Variants in MTMR8 observed in about 807,000 individuals in gnomAD.
The protein encoded by MTMR8 is phosphatidylinositol-3,5-bisphosphate 3-phosphatase MTMR8.
Under a neutral mutation model 39.3 loss-of-function variants are expected in MTMR8, and 65 were observed. The ratio of observed to expected loss-of-function variants is 1.65; its 90% confidence interval spans 1.35 to 2.03. The LOEUF (loss-of-function observed/expected upper bound fraction) is 2.03. Ranked by LOEUF, MTMR8 falls within the 30% of genes most tolerant of loss-of-function variation. MTMR8 has a pLI of 0.00. For missense variants in MTMR8, 777 were observed against 538.9 expected (o/e 1.44, Z -4.37); for synonymous variants, 245 against 185.2 (o/e 1.32, Z -2.62).
intron 8 of MTMR8, among the ~76,000 whole-genome samples, chrX:64,343,096 T>C (rs992359660): frequency 1.8e-5 from 2 of 111,724 alleles, no homozygotes; most frequent in African/African-American, 6.5e-5. Flanking sequence ...AATAGGTCTT[T>C]GTACTCAGAG....
rs1030361472 is a variant in MTMR8, at chrX:64,348,116, C to T, written c.732+544G>A. ...ACTAAACCGGCAAAAATTTAATCAG[C>T]TAACAGTACTAGATGCTAAAAAAGA... is the stretch of plus-strand genomic sequence containing the variant. On this transcript the variant is annotated intron_variant, in intron 6 of 13. Transcript: ENST00000374852. 2.7e-5 allele frequency among the ~76,000 whole-genome samples: 3 copies of T among 111,488 alleles called. No individual in the cohort carries two copies. The South Asian group carries it at 1.1e-3, about 41-fold the overall frequency.
At chrX:64,291,426 C>A (rs963259711) in intron 12 of MTMR8, among the ~76,000 whole-genome samples, 2 of 110,964 alleles carry the variant, frequency 1.8e-5, no homozygotes. Flanking sequence ...CTCTGATATT[C>A]CTCTTTCTTG....
At chrX:64,288,187 G>T (rs1344506450) in intron 12 of MTMR8, among the ~76,000 whole-genome samples, 1 of 109,702 alleles carries the variant, frequency 9.1e-6, no homozygotes, top group Non-Finnish European at 1.9e-5. Context: ...CCATCAAAAA[G>T]TGGGTAAAGG....
At chrX:64,293,353 C>A (rs943767988) in intron 12 of MTMR8, among the ~76,000 whole-genome samples, 1 of 111,171 alleles carries the variant, frequency 9.0e-6, no homozygotes. Context: ...TTATGCTGCA[C>A]CCTTCTAGAC....
At chrX:64,320,318 C>T (rs1922602195) in intron 12 of MTMR8, among the ~76,000 whole-genome samples, 1 of 110,990 alleles carries the variant, frequency 9.0e-6, no homozygotes, top group Non-Finnish European at 1.9e-5. Flanking sequence ...GCTGACTTCC[C>T]TCTCTGCCAT....
rs1326090097 is a variant in MTMR8, at chrX:64,334,264, C to T, written c.1151+1815G>A. 8.2e-5 allele frequency among the ~76,000 whole-genome samples: 9 copies of T among 110,259 alleles called. No homozygotes were observed. In the South Asian group the frequency reaches 2.8e-3, roughly 34 times the overall value. ...AACCTGCCCTGTATTATCCTATATC[C>T]TCTATCTCAATAAACCCAGCTACCT... On this transcript the variant is annotated intron_variant, in intron 10 of 13. Coordinates refer to ENST00000374852, the MANE Select transcript of MTMR8 (RefSeq NM_017677.4).
chrX:64,274,089 G>C (rs1208991251), intron 12 of MTMR8, among the ~76,000 whole-genome samples: 1 of 111,538 alleles, frequency 9.0e-6, no homozygotes, highest in African/African-American at 3.3e-5. Flanking sequence ...ACTTGAACAA[G>C]TCTGTGGACC....
intron 12 of MTMR8, among the ~76,000 whole-genome samples, chrX:64,303,411 C>A (rs752503262): frequency 1.8e-5 from 2 of 112,175 alleles, no homozygotes; most frequent in African/African-American, 3.2e-5. Flanking sequence ...TACTCTAGTT[C>A]AACAGAGTTA....
intron 12 of MTMR8, among the ~76,000 whole-genome samples, chrX:64,315,645 G>T (rs932699478): frequency 1.1e-4 from 12 of 109,815 alleles, no homozygotes; most frequent in Non-Finnish European, 1.9e-4. Context: ...TATAATTGAA[G>T]TGCAATTATT....
intron 12 of MTMR8, among the ~76,000 whole-genome samples, chrX:64,285,340 A>C (rs1423147503): frequency 9.0e-6 from 1 of 111,524 alleles, no homozygotes; most frequent in Non-Finnish European, 1.9e-5. Flanking sequence ...TTAGAGACCT[A>C]TAAAGAGACT....
At chrX:64,376,466 A>T (rs1924271036) in intron 1 of MTMR8, among the ~76,000 whole-genome samples, 1 of 112,136 alleles carries the variant, frequency 8.9e-6, no homozygotes, top group African/African-American at 3.2e-5. Flanking sequence ...TAGCAAAGAG[A>T]TTAGTGGCAT....
At chrX:64,278,056 G>T (rs771865820) in intron 12 of MTMR8, among the ~76,000 whole-genome samples, 1 of 108,725 alleles carries the variant, frequency 9.2e-6, no homozygotes, top group South Asian at 4.1e-4. Flanking sequence ...CAAAGTTCTC[G>T]TGCTGTGTTT....
intron 6 of MTMR8, among the ~76,000 whole-genome samples, chrX:64,346,318 G>T (rs1417962243): frequency 3.6e-5 from 4 of 111,136 alleles, no homozygotes; most frequent in Non-Finnish European, 5.7e-5. Flanking sequence ...ATTCAAGTTA[G>T]AACATGCAGA....
chrX:64,382,621 T>C (rs1299220468), intron 1 of MTMR8, among the ~76,000 whole-genome samples: 2 of 111,366 alleles, frequency 1.8e-5, no homozygotes, highest in African/African-American at 6.5e-5. Flanking sequence ...ATTGCTCTGG[T>C]CAGAACTTCC....
At chrX:64,382,616 T>G (rs917400538) in intron 1 of MTMR8, among the ~76,000 whole-genome samples, 2 of 111,388 alleles carry the variant, frequency 1.8e-5, no homozygotes, top group Non-Finnish European at 3.8e-5. Flanking sequence ...GCCTGATTGC[T>G]CTGGTCAGAA....
At chrX:64,314,077 G>C (rs1922391544) in intron 12 of MTMR8, among the ~76,000 whole-genome samples, 1 of 112,471 alleles carries the variant, frequency 8.9e-6, no homozygotes, top group Non-Finnish European at 1.9e-5. Context: ...AACTCCATGT[G>C]CTAACTCTGG....
At chrX:64,304,580 A>T (rs1433909032) in intron 12 of MTMR8, among the ~76,000 whole-genome samples, 1 of 110,363 alleles carries the variant, frequency 9.1e-6, no homozygotes, top group Non-Finnish European at 1.9e-5. Flanking sequence ...AGCCTTGAAG[A>T]TAATAGTACT....
rs769380590 is a variant in MTMR8 at position 64,322,677 on chromosome X, C to A, written c.1481+6095G>T. Reference sequence around the variant, plus strand: ...CTAGCATGTATCCTGCTCCAAGAGCCAGCAATAACTGCATCTTTTCATTGC... The same window carrying A: ...CTAGCATGTATCCTGCTCCAAGAGCAAGCAATAACTGCATCTTTTCATTGC... On this transcript the variant is annotated intron_variant, in intron 12 of 13. Transcript: ENST00000374852. 3.6e-5 allele frequency among the ~76,000 whole-genome samples: 4 copies of A among 112,381 alleles called. No individual in the cohort carries two copies. The South Asian group carries it at 1.5e-3, about 41-fold the overall frequency.
intron 12 of MTMR8, among the ~76,000 whole-genome samples, chrX:64,286,438 G>A (rs973054442): frequency 4.5e-5 from 5 of 112,108 alleles, no homozygotes; most frequent in Admixed American, 1.9e-4. Context: ...CAGAAAAAGA[G>A]GGAATGCTCC....
Sources: allele counts gnomAD v4.1 joint callset (sites outside exome capture counted in the v4.1 genomes callset), GRCh38; gene constraint gnomAD v4.1.1; transcripts MANE v1.5; gene names NCBI Gene and HGNC (gene_info 2026-07-23, HGNC 2026-07-21).